The following ZNF529 variants were observed in gnomAD, a reference collection of about 807,000 sequenced individuals.
ZNF529 encodes the protein zinc finger protein 529.
A neutral mutation model predicts 10.1 loss-of-function variants in ZNF529; 11 were observed. The ratio of observed to expected loss-of-function variants is 1.09; its 90% CI spans 0.69 to 1.81. The LOEUF is 1.81. Ranked by LOEUF, ZNF529 falls within the 40% of genes most tolerant of loss-of-function variation. The probability of loss-of-function intolerance (pLI) is 0.00; values close to 1 mark genes in which losing one functional copy is unlikely to be tolerated. For missense variants in ZNF529, 624 were observed against 666.8 expected, an observed-to-expected ratio of 0.94 and a Z score of 0.71; for synonymous variants, 204 against 215.7, an observed-to-expected ratio of 0.95 and a Z score of 0.47.
At chr19:36,556,976 T>C (rs893033840) in intron 2 of ZNF529, among the ~76,000 whole-genome samples, 2 of 152,170 alleles carry the variant, frequency 1.3e-5, no homozygotes, top group Non-Finnish European at 2.9e-5. Flanking sequence ...TACTGTAGGG[T>C]GGCTTGTTTG....
At chr19:36,572,432 G>T (rs2036156077) in intron 1 of ZNF529, 40 bp from the exon 2 acceptor site, 1 of 1,478,302 alleles carries the variant, frequency 6.8e-7, no homozygotes, top group Non-Finnish European at 9.2e-7. Context: ...TGACATCCTG[G>T]ACTGGTTAAA....
intron 2 of ZNF529, among the ~76,000 whole-genome samples, chr19:36,558,211 G>A (rs2035553286): frequency 6.6e-6 from 1 of 151,878 alleles, no homozygotes; most frequent in Admixed American, 6.6e-5. Context: ...ATATAAACAG[G>A]AGTACCAGAA....
chr19:36,588,440 T>C (rs2036629862), intron 2 of ZNF529, among the ~76,000 whole-genome samples: 1 of 152,150 alleles, frequency 6.6e-6, no homozygotes, highest in Non-Finnish European at 1.5e-5. Context: ...GAGGTAAAAG[T>C]GGATAAGTAT....
rs773292414 is a variant in ZNF529 at position 36,547,381 on chromosome 19, G to C, written c.1177C>G (p.Pro393Ala). The C allele has an allele frequency of 6.2e-6, 10 of 1,613,618 alleles. No homozygotes were observed. Among genetic ancestry groups the C allele is most frequent in the Non-Finnish European group, 5.9e-6 (7 of 1,179,930 alleles). Reference sequence around the variant, plus strand: ...TTTCCACATGCTTTGCATTCATAGGGTTTCTTACCAGTATGAATTCTCTGA... The same window carrying C: ...TTTCCACATGCTTTGCATTCATAGGCTTTCTTACCAGTATGAATTCTCTGA... ...RHQRIHTGKKPYECKACGKVF... is the reference protein window; with the variant it reads ...RHQRIHTGKKAYECKACGKVF... Residue 393 changes from proline (P) to alanine (A), a missense_variant, in exon 5 of 5, where the codon CCC becomes GCC. Physicochemically the swap from Pro to Ala is conservative, Grantham distance 27. Coordinates refer to ENST00000591340, the MANE Select transcript of ZNF529 (RefSeq NM_020951.5).
At chr19:36,578,435 A>T (rs541535145) in intron 2 of ZNF529, among the ~76,000 whole-genome samples, 1 of 149,248 alleles carries the variant, frequency 6.7e-6, no homozygotes, top group African/African-American at 2.5e-5. Context: ...CCTCCCGAGT[A>T]GCTGGGACTA....
intron 2 of ZNF529, chr19:36,587,428 C>T (rs541474363): frequency 1.3e-5 from 2 of 152,188 alleles, no homozygotes; most frequent in East Asian, 3.9e-4. Flanking sequence ...TAAAATGGTC[C>T]AGTTGCTGTG....
chr19:36,576,503 G>A (rs958084454), upstream of ZNF529, among the ~76,000 whole-genome samples: 3 of 152,022 alleles, frequency 2.0e-5, no homozygotes, highest in Non-Finnish European at 4.4e-5. Flanking sequence ...TGGATCACGA[G>A]GTCAGGAGTT....
intron 2 of ZNF529, among the ~76,000 whole-genome samples, chr19:36,565,427 G>A (rs555476610): frequency 1.3e-5 from 2 of 152,284 alleles, no homozygotes; most frequent in South Asian, 4.1e-4. Context: ...AACAGGCCGG[G>A]CGCGGTGGCT....
rs2034920513 is a variant in ZNF529, at chr19:36,543,747, A to G, written c.*3119T>C. The G allele has an allele frequency of 6.6e-6, 1 of 152,068 alleles. No individual in the cohort carries two copies. Among genetic ancestry groups the G allele is most frequent in the South Asian group, 2.1e-4 (1 of 4,816 alleles). The allele number at this position is 152,068 out of a possible 1,614,324, so 9.4% of individuals were successfully genotyped here. On this transcript the variant is annotated 3_prime_UTR_variant, in exon 5 of 5. Coordinates refer to ENST00000591340, the MANE Select transcript of ZNF529 (RefSeq NM_020951.5). ...TGGACTTTCCTTTGTGTGTGAGCAT[A>G]GGAAGAGACGTCTCTCCTTCCTCTT...
At chr19:36,599,657 A>G (rs192343964) in intron 1 of ZNF529, among the ~76,000 whole-genome samples, 2 of 152,228 alleles carry the variant, frequency 1.3e-5, no homozygotes, top group African/African-American at 2.4e-5. Flanking sequence ...TTATAAGTCA[A>G]CTTAGGTTAC....
intron 2 of ZNF529, among the ~76,000 whole-genome samples, chr19:36,584,412 TA>T (rs915036520): frequency 2.0e-5 from 3 of 152,190 alleles, no homozygotes; most frequent in African/African-American, 4.8e-5. Context: ...TTCTGTTTAC[TA>T]AGTAATGATG....
chr19:36,548,772 G>C (rs1033124498), intron 4 of ZNF529, among the ~76,000 whole-genome samples: 1 of 152,148 alleles, frequency 6.6e-6, no homozygotes, highest in Non-Finnish European at 1.5e-5. Context: ...TGTAATCCTA[G>C]CACTCTGGGA....
chr19:36,570,071 C>A (rs1461758339), intron 2 of ZNF529, among the ~76,000 whole-genome samples: 1 of 151,996 alleles, frequency 6.6e-6, no homozygotes, highest in Non-Finnish European at 1.5e-5. Flanking sequence ...AATAAAAACC[C>A]CGGACATGGG....
intron 1 of ZNF529, among the ~76,000 whole-genome samples, chr19:36,595,765 C>T (rs2036826968): frequency 6.6e-6 from 1 of 152,162 alleles, no homozygotes. Flanking sequence ...CTTATATTCT[C>T]TAGTTGGATG....
At chr19:36,596,722 G>A (rs1309844534) in intron 1 of ZNF529, among the ~76,000 whole-genome samples, 5 of 151,812 alleles carry the variant, frequency 3.3e-5, no homozygotes, top group Non-Finnish European at 7.4e-5. Flanking sequence ...TTTTCACCAT[G>A]TTGGCCATGC....
intron 1 of ZNF529, among the ~76,000 whole-genome samples, chr19:36,591,600 C>T (rs943308356): frequency 2.6e-5 from 4 of 151,778 alleles, no homozygotes; most frequent in Non-Finnish European, 5.9e-5. Flanking sequence ...GGGCGCCTGC[C>T]TGTAGTCCCA....
chr19:36,573,534 G>A (rs1265607058), upstream of ZNF529: 1 of 468,914 alleles, frequency 2.1e-6, no homozygotes, highest in South Asian at 1.6e-5. Context: ...AGGTGAAGTC[G>A]AGGCAGTAAT....
chr19:36,571,065 A>C (rs537479677), intron 2 of ZNF529, among the ~76,000 whole-genome samples: 82 of 152,330 alleles, frequency 5.4e-4, no homozygotes, highest in Non-Finnish European at 1.0e-3. Flanking sequence ...TCCTAAGCTA[A>C]TTAACACAGG....
At chr19:36,575,889 C>G (rs2036304639), upstream of ZNF529, among the ~76,000 whole-genome samples, 1 of 151,904 alleles carries the variant, frequency 6.6e-6, no homozygotes, top group Admixed American at 6.6e-5. Flanking sequence ...CGCTCTGTCA[C>G]CCAGGTGGGA....
Sources: gnomAD v4.1 joint callset for allele counts (sites outside exome capture counted in the v4.1 genomes callset) on GRCh38, gnomAD v4.1.1 for gene constraint, MANE v1.5 for transcripts, NCBI Gene and HGNC (gene_info 2026-07-23, HGNC 2026-07-21) for gene names.